THSD7B: variants seen among roughly 807,000 people sequenced by gnomAD.
The protein encoded by THSD7B is thrombospondin type-1 domain-containing protein 7B.
In THSD7B, 138 loss-of-function variants were observed where a neutral mutation model predicts 213.6. The ratio of observed to expected loss-of-function variants is 0.65; its 90% CI spans 0.56 to 0.74. The LOEUF is 0.74. Ranked by LOEUF, THSD7B falls within the 30% of genes least tolerant of loss-of-function variation. The pLI is 0.00. For synonymous variants in THSD7B, 742 were observed against 687.0 expected (o/e 1.08, Z -1.25); for missense variants, 1,931 against 1,991.5 (o/e 0.97, Z 0.58).
chr2:137,006,611 C>A (rs1049466003), intron 2 of THSD7B, among the ~76,000 whole-genome samples: 1 of 152,132 alleles, frequency 6.6e-6, no homozygotes, highest in African/African-American at 2.4e-5. Flanking sequence ...GAATAAATGC[C>A]ACCAACTCCC....
At chr2:136,775,904 A>G (rs1294326357) in intron 1 of THSD7B, among the ~76,000 whole-genome samples, 1 of 152,186 alleles carries the variant, frequency 6.6e-6, no homozygotes, top group Non-Finnish European at 1.5e-5. Flanking sequence ...AGCAATTTCC[A>G]GGCAAGGAGT....
At position 137,638,842 on chromosome 2, in the gene THSD7B, C is replaced by T. The variant is rs1031701850; in HGVS notation, c.3800-3646C>T. On this transcript the variant is annotated intron_variant, in intron 20 of 27. Transcript: ENST00000409968. ...CCTGCCCTAGAGATTTGTGAAACTT[C>T]GAACTTGAGAGAGATAATTTAGGGT... Among the ~76,000 whole-genome samples the T allele has an allele frequency of 2.8e-4, 43 of 152,082 alleles. 1 individual carries two copies. The highest frequency in any genetic ancestry group is 9.6e-4 in the African/African-American group (40 of 41,488).
intron 15 of THSD7B, among the ~76,000 whole-genome samples, chr2:137,555,885 A>C (rs1680951489): frequency 6.6e-6 from 1 of 152,218 alleles, no homozygotes; most frequent in South Asian, 2.1e-4. Flanking sequence ...CATGAGAACT[A>C]CGTGACGAAT....
intron 3 of THSD7B, among the ~76,000 whole-genome samples, chr2:137,075,352 G>T (rs932292771): frequency 1.3e-5 from 2 of 151,938 alleles, no homozygotes; most frequent in Admixed American, 6.6e-5. Context: ...TCCATCGCTG[G>T]TACTCTTTCT....
intron 10 of THSD7B, among the ~76,000 whole-genome samples, chr2:137,245,336 A>G (rs569665777): frequency 2.0e-5 from 3 of 152,308 alleles, no homozygotes; most frequent in East Asian, 3.9e-4. Flanking sequence ...ACACCTGCCT[A>G]TAAAGAAAGC....
intron 4 of THSD7B, among the ~76,000 whole-genome samples, chr2:137,108,624 A>G (rs1688296405): frequency 6.6e-6 from 1 of 152,202 alleles, no homozygotes; most frequent in South Asian, 2.1e-4. Context: ...GAGGACGTGT[A>G]TTTCCACAGT....
chr2:137,465,895 T>C (rs2105086058), intron 15 of THSD7B, among the ~76,000 whole-genome samples: 1 of 152,210 alleles, frequency 6.6e-6, no homozygotes, highest in East Asian at 1.9e-4. Context: ...ATTGCTTAGG[T>C]GGGGAAAGAC....
chr2:136,969,433 C>A (rs1158576518), intron 2 of THSD7B, among the ~76,000 whole-genome samples: 1 of 152,056 alleles, frequency 6.6e-6, no homozygotes, highest in Non-Finnish European at 1.5e-5. Context: ...TTGTGAACTG[C>A]CTTGGAGGGA....
intron 2 of THSD7B, among the ~76,000 whole-genome samples, chr2:137,005,735 A>C (rs1341344748): frequency 6.6e-6 from 1 of 152,218 alleles, no homozygotes; most frequent in Non-Finnish European, 1.5e-5. Flanking sequence ...TGTGTATTAC[A>C]AATAGCAGAA....
At chr2:137,522,176 T>C (rs1680197852) in intron 15 of THSD7B, among the ~76,000 whole-genome samples, 2 of 152,316 alleles carry the variant, frequency 1.3e-5, no homozygotes, top group South Asian at 2.1e-4. Flanking sequence ...GAGTGCTCTA[T>C]AGTGAACCCT....
intron 10 of THSD7B, among the ~76,000 whole-genome samples, chr2:137,248,683 C>T (rs947935489): frequency 6.6e-6 from 1 of 152,130 alleles, no homozygotes; most frequent in Non-Finnish European, 1.5e-5. Flanking sequence ...ACAGAACCAT[C>T]CACACCTTTG....
At chr2:137,244,987 CAATAACT>C (rs1681993422) in intron 10 of THSD7B, among the ~76,000 whole-genome samples, 1 of 152,044 alleles carries the variant, frequency 6.6e-6, no homozygotes, top group Non-Finnish European at 1.5e-5. Context: ...AATTCTGATT[CAATAACT>C]ATGGGGGGGT....
At chr2:137,317,549 C>T (rs372051945) in intron 12 of THSD7B, among the ~76,000 whole-genome samples, 1 of 152,180 alleles carries the variant, frequency 6.6e-6, no homozygotes, top group South Asian at 2.1e-4. Flanking sequence ...GAAAAAATTT[C>T]TCAGATAGTT....
intron 2 of THSD7B, among the ~76,000 whole-genome samples, chr2:136,944,039 A>G (rs908923729): frequency 1.3e-5 from 2 of 151,900 alleles, no homozygotes; most frequent in Admixed American, 6.6e-5. Context: ...ATTTCCCTCT[A>G]TACACTGCTT....
At chr2:136,830,399 C>A (rs1482951879) in intron 1 of THSD7B, among the ~76,000 whole-genome samples, 1 of 58,490 alleles carries the variant, frequency 1.7e-5, no homozygotes, top group African/African-American at 6.2e-5. Flanking sequence ...ATAAGTTAGG[C>A]CCCCAGTGAT....
chr2:137,191,509 G>C, intron 7 of THSD7B, among the ~76,000 whole-genome samples: 1 of 151,892 alleles, frequency 6.6e-6, no homozygotes, highest in Non-Finnish European at 1.5e-5. Flanking sequence ...GCCTGGTTCT[G>C]CCGCTTTTCT....
rs193270741 is a variant in THSD7B at position 137,280,850 on chromosome 2, G to A, written c.2500+4824G>A. Among the ~76,000 whole-genome samples, 26 of 152,192 alleles carry A rather than the reference G, an allele frequency of 1.7e-4. No homozygotes were observed. The East Asian group carries it at 3.9e-3, about 23-fold the overall frequency. ...GAGAAAGAAAAGCCGAGATGCTGTC[G>A]TTTCTGTAAGTGGAGTGTATTTCTC... On this transcript the variant is annotated intron_variant, in intron 12 of 27. Transcript: ENST00000409968.
intron 17 of THSD7B, among the ~76,000 whole-genome samples, chr2:137,583,643 AG>A (rs1242520310): frequency 1.3e-5 from 2 of 152,122 alleles, no homozygotes; most frequent in African/African-American, 4.8e-5. Flanking sequence ...AAGATCAGAT[AG>A]TTGTAGATGT....
At chr2:137,585,549 C>T (rs1681704085) in intron 17 of THSD7B, among the ~76,000 whole-genome samples, 1 of 152,044 alleles carries the variant, frequency 6.6e-6, no homozygotes, top group African/African-American at 2.4e-5. Flanking sequence ...TCTTTGTTCT[C>T]GTTGGTTTCA....
Sources: allele counts gnomAD v4.1 joint callset (sites outside exome capture counted in the v4.1 genomes callset), GRCh38; gene constraint gnomAD v4.1.1; transcripts MANE v1.5; gene names NCBI Gene and HGNC (gene_info 2026-07-23, HGNC 2026-07-21).